The following UTRN variants were observed in gnomAD, a reference collection of about 807,000 sequenced individuals.
UTRN encodes the protein utrophin.
A neutral mutation model predicts 463.9 loss-of-function variants in UTRN; 283 were observed. The observed-to-expected ratio is 0.61, with a 90% CI of 0.55 to 0.67. The LOEUF is 0.67. Among genes scored for constraint, UTRN ranks in the 30% least tolerant of loss-of-function variants. The probability of loss-of-function intolerance (pLI) is 0.00; values close to 1 mark genes in which losing one functional copy is unlikely to be tolerated. For missense variants in UTRN, 3,922 were observed against 4,084.3 expected (o/e 0.96, Z 1.08); for synonymous variants, 1,442 against 1,431.5 (o/e 1.01, Z -0.17).
In UTRN at chr6:144,377,770, G is replaced by A. The variant is rs150640358; in HGVS notation, c.80-25353G>A. The stretch of plus-strand genomic sequence containing the variant: ...TATTTACTGGAAGTTAAAAGACAGG[G>A]CACTGTTGATTTACACTGTGCTTCA... On this transcript the variant is annotated intron_variant, in intron 2 of 74. Transcript: ENST00000367545. Among the ~76,000 whole-genome samples the A allele has an allele frequency of 1.8e-4, 27 of 152,242 alleles. 2 individuals are homozygous for A. The highest frequency in any genetic ancestry group is 6.5e-4 in the African/African-American group (27 of 41,536).
chr6:144,688,271 G>T (rs1782953505), intron 52 of UTRN, among the ~76,000 whole-genome samples: 1 of 151,862 alleles, frequency 6.6e-6, no homozygotes. Flanking sequence ...TTCATATCTT[G>T]AATTGTTTTT....
intron 51 of UTRN, among the ~76,000 whole-genome samples, chr6:144,641,754 T>C (rs1021174992): frequency 6.6e-6 from 1 of 152,210 alleles, no homozygotes; most frequent in African/African-American, 2.4e-5. Flanking sequence ...CTCTTACGTT[T>C]TTAGAAATTC....
intron 65 of UTRN, among the ~76,000 whole-genome samples, chr6:144,819,897 C>T (rs1337986497): frequency 8.0e-6 from 1 of 125,676 alleles, no homozygotes; most frequent in Non-Finnish European, 1.6e-5. Context: ...CCTCCTCCTC[C>T]TCCTCCTCCT....
At chr6:144,346,191 AT>A (rs1182628533) in intron 2 of UTRN, among the ~76,000 whole-genome samples, 1 of 151,560 alleles carries the variant, frequency 6.6e-6, no homozygotes, top group Non-Finnish European at 1.5e-5. Context: ...AAAAAAAAAA[AT>A]AAAATAAAAA....
intron 51 of UTRN, among the ~76,000 whole-genome samples, chr6:144,654,373 T>G (rs1420266545): frequency 6.6e-6 from 1 of 152,224 alleles, no homozygotes; most frequent in East Asian, 1.9e-4. Context: ...TTGAACTTCC[T>G]CTGTGTTTAC....
chr6:144,756,275 A>G (rs937084671), intron 57 of UTRN, among the ~76,000 whole-genome samples: 1 of 152,172 alleles, frequency 6.6e-6, no homozygotes, highest in Admixed American at 6.6e-5. Context: ...AGTTCTAACT[A>G]TCAGTTATCT....
intron 52 of UTRN, among the ~76,000 whole-genome samples, chr6:144,681,626 T>C (rs531197238): frequency 2.4e-4 from 36 of 148,240 alleles, no homozygotes; most frequent in Non-Finnish European, 4.3e-4. Flanking sequence ...GAAGGGGAGG[T>C]GAGTACGTGG....
chr6:144,748,030 T>C (rs1350915727), intron 54 of UTRN, among the ~76,000 whole-genome samples: 1 of 152,180 alleles, frequency 6.6e-6, no homozygotes, highest in Non-Finnish European at 1.5e-5. Flanking sequence ...TCAGTAACTG[T>C]TTTATTATCC....
chr6:144,477,120 C>G (rs184879014), intron 25 of UTRN, among the ~76,000 whole-genome samples: 2 of 152,042 alleles, frequency 1.3e-5, no homozygotes, highest in East Asian at 3.9e-4. Context: ...ATGGTTTCTC[C>G]GTGGTAATGG....
At chr6:144,440,629 G>A (rs1229708954) in intron 13 of UTRN, among the ~76,000 whole-genome samples, 158 bp downstream of exon 13, 4 of 152,190 alleles carry the variant, frequency 2.6e-5, no homozygotes, top group Non-Finnish European at 5.9e-5. Flanking sequence ...TACAGTGTGT[G>A]GGCTACAGGA....
At chr6:144,778,605 C>CTAATAATAATAA (rs146368466) in intron 60 of UTRN, among the ~76,000 whole-genome samples, 3 of 148,668 alleles carry the variant, frequency 2.0e-5, no homozygotes, top group African/African-American at 7.5e-5. Context: ...AGGGGAAATG[C>CTAATAATAATAA]TAATAATAAT....
At chr6:144,317,008 C>T (rs1019035826) in intron 2 of UTRN, among the ~76,000 whole-genome samples, 4 of 152,190 alleles carry the variant, frequency 2.6e-5, no homozygotes, top group African/African-American at 9.6e-5. Context: ...CTTTCTCTAA[C>T]ATGCTTGCTC....
intron 48 of UTRN, 72 bp downstream of exon 48, chr6:144,551,154 C>CACAT: frequency 1.2e-6 from 1 of 828,028 alleles, no homozygotes; most frequent in Non-Finnish European, 1.8e-6. Context: ...CACACACACA[C>CACAT]ACACACACAC....
rs937002695 is a variant in UTRN, at chr6:144,768,971, T to A, written c.8496-2936T>A. ...TTGTTTTGTTTTGTTTTTTTTTTTT[T>A]AATTTTATTCTTGGATAGATTCCCA... On this transcript the variant is annotated intron_variant, in intron 58 of 74. Coordinates refer to ENST00000367545, the MANE Select transcript of UTRN (RefSeq NM_007124.3). 6.0e-4 allele frequency among the ~76,000 whole-genome samples: 89 copies of A among 148,130 alleles called. 1 individual carries two copies. Among genetic ancestry groups the A allele is most frequent in the African/African-American group, 1.8e-3 (72 of 39,962 alleles).
intron 51 of UTRN, among the ~76,000 whole-genome samples, chr6:144,584,608 A>G (rs1482773612): frequency 5.3e-5 from 8 of 152,086 alleles, no homozygotes; most frequent in Non-Finnish European, 1.5e-5. Context: ...GCAGTATTCC[A>G]TTAACTTTAT....
chr6:144,817,915 C>G lies in UTRN; in HGVS notation c.9358-2967C>G, dbSNP rs146980472. 5.9e-5 allele frequency among the ~76,000 whole-genome samples: 9 copies of G among 152,184 alleles called. No homozygotes were observed. The East Asian group carries it at 1.7e-3, about 29-fold the overall frequency. On this transcript the variant is annotated intron_variant, in intron 65 of 74. Transcript: ENST00000367545. ...TGAGTATTATTAGAAACTCTAATTT[C>G]AATAACTACTATAACTTTTGGGGAC...
intron 51 of UTRN, among the ~76,000 whole-genome samples, chr6:144,599,041 C>A (rs1296671352): frequency 6.6e-6 from 1 of 152,100 alleles, no homozygotes; most frequent in African/African-American, 2.4e-5. Context: ...TCTTGATTAA[C>A]CTCCCTCGTC....
chr6:144,578,720 G>A (rs775268010), intron 51 of UTRN, among the ~76,000 whole-genome samples: 4 of 152,192 alleles, frequency 2.6e-5, no homozygotes, highest in African/African-American at 9.6e-5. Context: ...CTGTATTGTT[G>A]CCTACGCAGT....
intron 2 of UTRN, among the ~76,000 whole-genome samples, chr6:144,294,622 G>A (rs974062760): frequency 2.7e-5 from 4 of 150,812 alleles, no homozygotes; most frequent in African/African-American, 9.8e-5. Context: ...GAAAGTGGGG[G>A]GACGGAGAGT....
Sources: gnomAD v4.1 joint callset for allele counts (sites outside exome capture counted in the v4.1 genomes callset) on GRCh38, gnomAD v4.1.1 for gene constraint, MANE v1.5 for transcripts, NCBI Gene and HGNC (gene_info 2026-07-23, HGNC 2026-07-21) for gene names.